NPAS3: variants seen among roughly 807,000 people sequenced by gnomAD.
The protein encoded by NPAS3 is neuronal PAS domain-containing protein 3.
NPAS3 carries 14 observed loss-of-function variants against 73.1 expected under a neutral mutation model. The ratio of observed to expected loss-of-function variants is 0.19; its 90% confidence interval spans 0.13 to 0.30. The LOEUF (loss-of-function observed/expected upper bound fraction) is 0.30. Among genes scored for constraint, NPAS3 ranks in the 10% least tolerant of loss-of-function variants. The pLI is 1.00. For missense variants in NPAS3, 1,096 were observed against 1,250.0 expected, an observed-to-expected ratio of 0.88 and a Z score of 1.86; for synonymous variants, 620 against 541.5, an observed-to-expected ratio of 1.14 and a Z score of -2.01.
intron 4 of NPAS3, among the ~76,000 whole-genome samples, chr14:33,552,773 T>G (rs1428637180): frequency 6.6e-6 from 1 of 152,100 alleles, no homozygotes; most frequent in Non-Finnish European, 1.5e-5. Flanking sequence ...TTTAGGCCAT[T>G]CAGGACCAGT....
At chr14:33,210,434 C>A in intron 2 of NPAS3, among the ~76,000 whole-genome samples, 1 of 152,142 alleles carries the variant, frequency 6.6e-6, no homozygotes, top group East Asian at 1.9e-4. Context: ...ACCTTGCCCC[C>A]AAAAATAGAA....
intron 4 of NPAS3, among the ~76,000 whole-genome samples, chr14:33,454,038 T>G (rs1000104287): frequency 9.9e-5 from 15 of 152,178 alleles, no homozygotes; most frequent in Non-Finnish European, 1.9e-4. Context: ...TTTTCCCTTT[T>G]TGCCCTGGCT....
intron 6 of NPAS3, among the ~76,000 whole-genome samples, chr14:33,714,784 T>C (rs1458241633): frequency 6.6e-6 from 1 of 152,204 alleles, no homozygotes; most frequent in Admixed American, 6.5e-5. Flanking sequence ...AATGATCCCA[T>C]AACTGGCAGT....
intron 4 of NPAS3, among the ~76,000 whole-genome samples, chr14:33,461,590 T>C (rs2139505480): frequency 6.6e-6 from 1 of 152,092 alleles, no homozygotes; most frequent in East Asian, 1.9e-4. Context: ...ATGAAGGAGG[T>C]GACATTTGGT....
intron 5 of NPAS3, among the ~76,000 whole-genome samples, chr14:33,658,637 C>T (rs943864503): frequency 3.9e-5 from 6 of 152,118 alleles, no homozygotes; most frequent in African/African-American, 1.4e-4. Flanking sequence ...AACCTGGAGC[C>T]CATAGGTAGG....
At chr14:33,665,654 C>CA (rs1271727041) in intron 5 of NPAS3, among the ~76,000 whole-genome samples, 1 of 152,012 alleles carries the variant, frequency 6.6e-6, no homozygotes, top group African/African-American at 2.4e-5. Context: ...TATGTAGCCA[C>CA]AAAAAATTTT....
chr14:33,227,988 G>T (rs1489460327), intron 3 of NPAS3, among the ~76,000 whole-genome samples: 1 of 152,016 alleles, frequency 6.6e-6, no homozygotes. Context: ...CAGTTTTCTT[G>T]ACTGAAAAAA....
intron 5 of NPAS3, among the ~76,000 whole-genome samples, chr14:33,635,229 T>C (rs914637163): frequency 2.6e-5 from 4 of 152,198 alleles, no homozygotes; most frequent in African/African-American, 9.6e-5. Context: ...GGAAGAGGCC[T>C]GGGATATGCC....
At chr14:33,199,345 G>A (rs2046520448) in intron 2 of NPAS3, among the ~76,000 whole-genome samples, 2 of 152,206 alleles carry the variant, frequency 1.3e-5, no homozygotes, top group African/African-American at 4.8e-5. Flanking sequence ...TAGACACACA[G>A]ATCTGGCAAA....
intron 3 of NPAS3, among the ~76,000 whole-genome samples, chr14:33,359,256 C>T (rs756613565): frequency 2.0e-5 from 3 of 152,160 alleles, no homozygotes; most frequent in Non-Finnish European, 2.9e-5. Context: ...AGTTCCCTGT[C>T]GTATCAGTGG....
chr14:33,801,176 A>C, downstream of NPAS3: 1 of 1,525,764 alleles, frequency 6.6e-7, no homozygotes, highest in Non-Finnish European at 8.8e-7. Flanking sequence ...TTTCGTTTAG[A>C]CCTTTAATTC....
rs578190651 is a variant in NPAS3 at position 33,017,123 on chromosome 14, T to C, written c.51-38782T>C. On this transcript the variant is annotated intron_variant, in intron 1 of 11. Transcript: ENST00000356141. ...CTAAAGGAATTTTCAGCTGGGACTT[T>C]GGAATCACTCTTGGAAAACTTTGGA... Among the ~76,000 whole-genome samples, 264 of 152,240 alleles carry C rather than the reference T, an allele frequency of 1.7e-3. 1 individual carries two copies. The highest frequency in any genetic ancestry group is 6.0e-3 in the African/African-American group (251 of 41,536).
intron 4 of NPAS3, among the ~76,000 whole-genome samples, chr14:33,391,512 C>A (rs1310001001): frequency 6.6e-6 from 1 of 152,114 alleles, no homozygotes; most frequent in African/African-American, 2.4e-5. Context: ...TCTTAATTCA[C>A]TACCAACGTT....
chr14:33,506,357 T>C (rs1476704831), intron 4 of NPAS3, among the ~76,000 whole-genome samples: 1 of 151,496 alleles, frequency 6.6e-6, no homozygotes, highest in African/African-American at 2.4e-5. Context: ...TATAAATATA[T>C]GACTTTCTGC....
intron 1 of NPAS3, among the ~76,000 whole-genome samples, chr14:33,020,971 A>C (rs1360848525): frequency 6.6e-6 from 1 of 152,116 alleles, no homozygotes; most frequent in Non-Finnish European, 1.5e-5. Flanking sequence ...CATGTTGCCC[A>C]GGCTGGTCTT....
intron 4 of NPAS3, among the ~76,000 whole-genome samples, chr14:33,425,534 C>T (rs2048520228): frequency 7.3e-6 from 1 of 136,184 alleles, no homozygotes; most frequent in South Asian, 2.3e-4. Flanking sequence ...CCTGTTTCCA[C>T]TCCACCTTTT....
At chr14:33,403,380 A>G (rs186166820) in intron 4 of NPAS3, among the ~76,000 whole-genome samples, 308 of 152,230 alleles carry the variant, frequency 2.0e-3, no homozygotes, top group African/African-American at 7.1e-3. Context: ...GGCCTAAGAA[A>G]AAATGCAATA....
intron 2 of NPAS3, among the ~76,000 whole-genome samples, chr14:33,103,114 G>A (rs2042625066): frequency 6.6e-6 from 1 of 152,182 alleles, no homozygotes; most frequent in Non-Finnish European, 1.5e-5. Flanking sequence ...AATGTGTTTT[G>A]TGAATGAAAA....
intron 1 of NPAS3, among the ~76,000 whole-genome samples, chr14:32,942,809 T>G (rs555418313): frequency 2.9e-4 from 44 of 152,346 alleles, no homozygotes; most frequent in African/African-American, 1.0e-3. Flanking sequence ...TCCACAAGAT[T>G]GCTTAAATGA....
Sources: allele counts gnomAD v4.1 joint callset (sites outside exome capture counted in the v4.1 genomes callset), GRCh38; gene constraint gnomAD v4.1.1; transcripts MANE v1.5; gene names NCBI Gene and HGNC (gene_info 2026-07-23, HGNC 2026-07-21).